LRRN2: variants seen among roughly 807,000 people sequenced by gnomAD.
LRRN2 encodes the protein leucine-rich repeat neuronal protein 2.
A neutral mutation model predicts 35.7 loss-of-function variants in LRRN2; 10 were observed. That is an observed-to-expected ratio of 0.28 (90% CI 0.17 to 0.47). The LOEUF (loss-of-function observed/expected upper bound fraction) is 0.47. LRRN2 is among the 20% of genes least tolerant of loss of function. The probability of loss-of-function intolerance (pLI) is 0.99; values close to 1 mark genes in which losing one functional copy is unlikely to be tolerated. For missense variants in LRRN2, 731 were observed against 940.3 expected (o/e 0.78, Z 2.91); for synonymous variants, 391 against 409.6 (o/e 0.95, Z 0.55).
At chr1:204,648,874 C>T (rs1668165471) in intron 1 of LRRN2, among the ~76,000 whole-genome samples, 1 of 152,140 alleles carries the variant, frequency 6.6e-6, no homozygotes, top group Non-Finnish European at 1.5e-5. Flanking sequence ...TGGTGGCAGG[C>T]CCAGACAGAG....
At position 204,617,795 on chromosome 1, in the gene LRRN2, TC is replaced by T; in HGVS notation, c.*55del. The T allele has an allele frequency of 6.3e-7, 1 of 1,595,966 alleles. No individual in the cohort carries two copies. Among genetic ancestry groups the T allele is most frequent in the Non-Finnish European group, 8.6e-7 (1 of 1,165,022 alleles). On this transcript the variant is annotated 3_prime_UTR_variant, in exon 2 of 2. Transcript: ENST00000367177. ...CAGGGCATCTGGCCCAGACTGCTTC[TC>T]TTTTGGTAAAAAGTAGTCCTAGTGA...
chr1:204,638,755 C>T (rs972388468), intron 1 of LRRN2, among the ~76,000 whole-genome samples: 6 of 152,208 alleles, frequency 3.9e-5, no homozygotes, highest in Non-Finnish European at 2.9e-5. Flanking sequence ...CTAGACTTGC[C>T]AAGAGGCCAT....
intron 1 of LRRN2, among the ~76,000 whole-genome samples, chr1:204,679,367 C>T (rs189453811): frequency 3.9e-5 from 6 of 152,364 alleles, no homozygotes; most frequent in East Asian, 3.9e-4. Context: ...TCATCGACCA[C>T]GTTTGAATGC....
chr1:204,628,017 T>C (rs1207086076), intron 1 of LRRN2: 1 of 152,220 alleles, frequency 6.6e-6, no homozygotes, highest in East Asian at 1.9e-4. Flanking sequence ...GCTGGCTATT[T>C]CAGAGCTCAG....
intron 1 of LRRN2, among the ~76,000 whole-genome samples, chr1:204,633,981 C>T (rs1254179234): frequency 1.3e-5 from 2 of 152,204 alleles, no homozygotes; most frequent in African/African-American, 4.8e-5. Context: ...GCAGGACCAG[C>T]GGCTCCCAGA....
chr1:204,617,484 T>C lies in LRRN2; in HGVS notation c.*367A>G, dbSNP rs935638462. 1.6e-5 allele frequency: 4 copies of C among 249,302 alleles called. No homozygotes were observed. The highest frequency in any genetic ancestry group is 3.1e-5 in the Non-Finnish European group (4 of 128,372). 15.4% of individuals were successfully genotyped at this position (249,302 alleles called of 1,614,324 possible). ...AGGCACAAGAGCAAGCAACTGAGAC[T>C]GTACAGAGAAAGAGAAGAGGAAGGG... On this transcript the variant is annotated 3_prime_UTR_variant, in exon 2 of 2. Transcript: ENST00000367177.
chr1:204,644,481 A>G (rs940406870), intron 1 of LRRN2, among the ~76,000 whole-genome samples: 1 of 152,158 alleles, frequency 6.6e-6, no homozygotes, highest in African/African-American at 2.4e-5. Context: ...TGCCCTGGAC[A>G]GGAGCTGGCT....
intron 1 of LRRN2, among the ~76,000 whole-genome samples, chr1:204,659,555 G>A (rs1007414469): frequency 6.6e-6 from 1 of 151,948 alleles, no homozygotes; most frequent in Non-Finnish European, 1.5e-5. Context: ...TCTGTCTTAC[G>A]GCCACCTAAG....
At chr1:204,651,406 A>G (rs1668221528) in intron 1 of LRRN2, among the ~76,000 whole-genome samples, 1 of 152,186 alleles carries the variant, frequency 6.6e-6, no homozygotes, top group African/African-American at 2.4e-5. Context: ...TTAAGCTGCT[A>G]TGTTTGTGGT....
intron 1 of LRRN2, among the ~76,000 whole-genome samples, chr1:204,624,239 G>C (rs1667144008): frequency 6.6e-6 from 1 of 151,614 alleles, no homozygotes; most frequent in Non-Finnish European, 1.5e-5. Flanking sequence ...ACAGTGTGGG[G>C]AAGGACACTG....
intron 1 of LRRN2, among the ~76,000 whole-genome samples, chr1:204,658,664 C>A (rs1668409166): frequency 6.6e-6 from 1 of 152,196 alleles, no homozygotes. Context: ...AACCATTTCT[C>A]AGCCTCTCTG....
chr1:204,665,999 G>GGGT lies in LRRN2; in HGVS notation c.-227+19318_-227+19320dup, dbSNP rs1192292700. Among the ~76,000 whole-genome samples, 9 of 152,356 alleles carry GGGT rather than the reference G, an allele frequency of 5.9e-5. 1 individual carries two copies. In the East Asian group the frequency reaches 1.7e-3, roughly 29 times the overall value. ...CAGCCTGACCCAGCACCTGCTGGGA[G>GGGT]GGTGGTGGTACAGGAAGAAGCAGGA... On this transcript the variant is annotated intron_variant, in intron 1 of 1. Coordinates refer to ENST00000367177, the MANE Select transcript of LRRN2 (RefSeq NM_201630.2).
At chr1:204,668,728 A>G (rs1668641339) in intron 1 of LRRN2, among the ~76,000 whole-genome samples, 1 of 152,196 alleles carries the variant, frequency 6.6e-6, no homozygotes, top group South Asian at 2.1e-4. Context: ...GGCGATCATA[A>G]TACACACCCC....
chr1:204,676,962 A>C (rs185404828), intron 1 of LRRN2, among the ~76,000 whole-genome samples: 167 of 152,252 alleles, frequency 1.1e-3, no homozygotes, highest in Non-Finnish European at 1.8e-3. Flanking sequence ...TCAACTGCAA[A>C]ATGGGGGAAA....
chr1:204,645,492 G>T (rs1436621124), intron 1 of LRRN2, among the ~76,000 whole-genome samples: 1 of 152,128 alleles, frequency 6.6e-6, no homozygotes, highest in Non-Finnish European at 1.5e-5. Flanking sequence ...TTCACAGTAG[G>T]GTTTAGGTCG....
At chr1:204,660,580 C>G (rs1403772449) in intron 1 of LRRN2, among the ~76,000 whole-genome samples, 2 of 62,218 alleles carry the variant, frequency 3.2e-5, no homozygotes, top group Non-Finnish European at 7.8e-5. Context: ...CACACACACA[C>G]TCTCTCTCTC....
At chr1:204,667,810 C>G (rs771456026) in intron 1 of LRRN2, among the ~76,000 whole-genome samples, 18 of 152,124 alleles carry the variant, frequency 1.2e-4, no homozygotes, top group Non-Finnish European at 1.6e-4. Flanking sequence ...TGTGAAGCCA[C>G]GTGAGATGGC....
Position 204,617,734 on chromosome 1 carries a change from A to C in LRRN2, c.*117T>G. 1.7e-6 allele frequency: 2 copies of C among 1,172,710 alleles called. No individual in the cohort carries two copies. Among genetic ancestry groups the C allele is most frequent in the South Asian group, 2.8e-5 (2 of 71,758 alleles). 72.6% of individuals were successfully genotyped at this position (1,172,710 alleles called of 1,614,324 possible). ...CCCCATCTGTCTTGGCCCAGCTGCC[A>C]GGCCTCAAGCACGTGGGTCCATGTC... On this transcript the variant is annotated 3_prime_UTR_variant, in exon 2 of 2. Transcript: ENST00000367177.
chr1:204,676,899 A>G (rs889465256), intron 1 of LRRN2, among the ~76,000 whole-genome samples: 4 of 152,176 alleles, frequency 2.6e-5, no homozygotes, highest in African/African-American at 9.6e-5. Context: ...TTGGGGGCTG[A>G]ATTCTGGCTC....
Sources: gnomAD v4.1 joint callset for allele counts (sites outside exome capture counted in the v4.1 genomes callset) on GRCh38, gnomAD v4.1.1 for gene constraint, MANE v1.5 for transcripts, NCBI Gene and HGNC (gene_info 2026-07-23, HGNC 2026-07-21) for gene names.